PACRG: variants seen among roughly 807,000 people sequenced by gnomAD.
The protein encoded by PACRG is parkin coregulated, also known as parkin coregulated gene protein.
Under a neutral mutation model 29.7 loss-of-function variants are expected in PACRG, and 29 were observed. The observed-to-expected ratio is 0.98, with a 90% CI of 0.73 to 1.33. The LOEUF is 1.33. Ranked by LOEUF, PACRG falls within the 40% of genes most tolerant of loss-of-function variation. PACRG has a pLI of 0.00. For synonymous variants in PACRG, 116 were observed against 118.7 expected, an observed-to-expected ratio of 0.98 and a Z score of 0.15; for missense variants, 279 against 316.2, an observed-to-expected ratio of 0.88 and a Z score of 0.89.
At chr6:162,996,415 T>C (rs1804054451) in intron 2 of PACRG, among the ~76,000 whole-genome samples, 1 of 152,030 alleles carries the variant, frequency 6.6e-6, no homozygotes, top group Non-Finnish European at 1.5e-5. Flanking sequence ...ATCCTTCAAA[T>C]CAAATATAGA....
chr6:163,082,536 A>G (rs1585172090), intron 3 of PACRG, among the ~76,000 whole-genome samples: 1 of 152,214 alleles, frequency 6.6e-6, no homozygotes, highest in East Asian at 1.9e-4. Context: ...GTATATTGAT[A>G]ATTTTTTAGA....
At chr6:162,829,362 G>T (rs537607607) in intron 2 of PACRG, among the ~76,000 whole-genome samples, 7 of 152,230 alleles carry the variant, frequency 4.6e-5, no homozygotes, top group South Asian at 2.1e-4. Flanking sequence ...TTGTATAACA[G>T]GATGTATCTG....
At chr6:163,142,663 C>A (rs149256158) in intron 4 of PACRG, among the ~76,000 whole-genome samples, 1 of 152,194 alleles carries the variant, frequency 6.6e-6, no homozygotes, top group Non-Finnish European at 1.5e-5. Context: ...TGTAAAAATC[C>A]TAAGTAACAT....
chr6:163,082,213 G>GA (rs1342048337), intron 3 of PACRG, among the ~76,000 whole-genome samples: 1 of 151,986 alleles, frequency 6.6e-6, no homozygotes, highest in African/African-American at 2.4e-5. Flanking sequence ...GGATCTATGT[G>GA]AAAAAATACT....
chr6:162,859,625 G>C (rs955303534), intron 2 of PACRG, among the ~76,000 whole-genome samples: 2 of 152,022 alleles, frequency 1.3e-5, no homozygotes, highest in African/African-American at 4.8e-5. Context: ...ACCTAGAAAG[G>C]CCACTTTCTG....
chr6:163,146,417 A>C (rs775109925), intron 4 of PACRG, among the ~76,000 whole-genome samples: 8 of 152,242 alleles, frequency 5.3e-5, no homozygotes, highest in Non-Finnish European at 1.2e-4. Context: ...TTAATAAGAC[A>C]AAGTCGTGAA....
At chr6:162,826,159 A>C (rs559605281) in intron 2 of PACRG, among the ~76,000 whole-genome samples, 150 of 152,248 alleles carry the variant, frequency 9.9e-4, no homozygotes, top group Non-Finnish European at 1.8e-3. Flanking sequence ...TATGTTTTGT[A>C]TTTCCCATGG....
chr6:162,974,010 C>T (rs916873061), intron 2 of PACRG, among the ~76,000 whole-genome samples: 1 of 152,016 alleles, frequency 6.6e-6, no homozygotes, highest in Admixed American at 6.6e-5. Context: ...TCTCAGGTAC[C>T]CTTTTTCATT....
chr6:162,839,082 A>AT (rs1384974882), intron 2 of PACRG, among the ~76,000 whole-genome samples: 9 of 135,888 alleles, frequency 6.6e-5, no homozygotes, highest in African/African-American at 2.7e-4. Context: ...TAGCAGCATG[A>AT]TTTATAGTCC....
chr6:163,306,398 G>C (rs985792299), intron 4 of PACRG, among the ~76,000 whole-genome samples: 1 of 152,170 alleles, frequency 6.6e-6, no homozygotes, highest in Admixed American at 6.5e-5. Context: ...TTATCCAGTA[G>C]AGGGATAAAT....
chr6:162,756,510 C>G (rs13211655), intron 1 of PACRG, among the ~76,000 whole-genome samples: 27,977 of 152,034 alleles, frequency 0.18, 2,962 homozygotes, highest in South Asian at 0.32. Context: ...TTTTCCAGGC[C>G]TACATTTTCA....
chr6:163,291,216 GT>G lies in PACRG; in HGVS notation c.614-23610del, dbSNP rs201180127. Among the ~76,000 whole-genome samples the G allele has an allele frequency of 7.3e-3, 945 of 129,906 alleles. 1 individual carries two copies. Among genetic ancestry groups the G allele is most frequent in the Middle Eastern group, 9.2e-3 (2 of 218 alleles). 85.2% of individuals were successfully genotyped at this position (129,906 alleles called of 152,430 possible). On this transcript the variant is annotated intron_variant, in intron 4 of 4. Coordinates refer to ENST00000366888, the MANE Select transcript of PACRG (RefSeq NM_001080379.2). ...TGGCCTGCGGGTCACCCTGCAAGAT[GT>G]CCCCTCTGCCCGCCAGAGCTGGCCT...
intron 2 of PACRG, among the ~76,000 whole-genome samples, chr6:162,949,040 G>A (rs1372704076): frequency 6.6e-6 from 1 of 152,028 alleles, no homozygotes; most frequent in Non-Finnish European, 1.5e-5. Flanking sequence ...ATATCAAAAA[G>A]ATATCTGCAC....
intron 4 of PACRG, among the ~76,000 whole-genome samples, chr6:163,146,554 A>G (rs1252509064): frequency 6.6e-6 from 1 of 152,190 alleles, no homozygotes; most frequent in African/African-American, 2.4e-5. Context: ...CTGACATTGT[A>G]TGTTGTGTTT....
At chr6:163,238,107 T>C (rs903150799) in intron 4 of PACRG, among the ~76,000 whole-genome samples, 1 of 152,186 alleles carries the variant, frequency 6.6e-6, no homozygotes, top group Non-Finnish European at 1.5e-5. Flanking sequence ...TTTTCTTGGT[T>C]AACTGAAAAA....
intron 1 of PACRG, among the ~76,000 whole-genome samples, chr6:162,788,916 G>A (rs1784722524): frequency 6.6e-6 from 1 of 152,002 alleles, no homozygotes; most frequent in African/African-American, 2.4e-5. Context: ...TTTATTATGT[G>A]TATCATTTGT....
intron 2 of PACRG, among the ~76,000 whole-genome samples, chr6:162,873,584 A>G (rs1053568220): frequency 1.3e-5 from 2 of 152,280 alleles, no homozygotes; most frequent in South Asian, 4.1e-4. Context: ...TCCTGATGTC[A>G]CTGGAAGTTG....
chr6:163,105,631 A>C (rs1232627793), intron 4 of PACRG, among the ~76,000 whole-genome samples: 3 of 152,132 alleles, frequency 2.0e-5, no homozygotes, highest in Admixed American at 2.0e-4. Flanking sequence ...TGGGTCATTG[A>C]AAAAAATGGT....
intron 1 of PACRG, among the ~76,000 whole-genome samples, chr6:162,793,378 T>C (rs1456179658): frequency 6.6e-6 from 1 of 152,228 alleles, no homozygotes; most frequent in Non-Finnish European, 1.5e-5. Context: ...TTTTTATTTT[T>C]CAGAAGTAAA....
Sources: gnomAD v4.1 joint callset for allele counts (sites outside exome capture counted in the v4.1 genomes callset) on GRCh38, gnomAD v4.1.1 for gene constraint, MANE v1.5 for transcripts, NCBI Gene and HGNC (gene_info 2026-07-23, HGNC 2026-07-21) for gene names.